Variants in SAMD3 observed in about 807,000 individuals in gnomAD.
SAMD3 encodes the protein sterile alpha motif domain containing 3, also known as sterile alpha motif domain-containing protein 3.
SAMD3 carries 63 observed loss-of-function variants against 58.5 expected under a neutral mutation model. That is an observed-to-expected ratio of 1.08 (90% CI 0.88 to 1.33). The LOEUF is 1.33. SAMD3 is among the 40% of genes most tolerant of loss of function. SAMD3 has a pLI of 0.00. For missense variants in SAMD3, 604 were observed against 608.4 expected (o/e 0.99, Z 0.08); for synonymous variants, 220 against 210.3 (o/e 1.05, Z -0.40).
chr6:130,218,262 C>T (rs188202327), intron 1 of SAMD3, among the ~76,000 whole-genome samples: 3 of 152,294 alleles, frequency 2.0e-5, no homozygotes, highest in South Asian at 4.1e-4. Flanking sequence ...AGATTGAATT[C>T]CAAGTTCCCA....
At chr6:130,181,426 C>G (rs182410752) in intron 7 of SAMD3, among the ~76,000 whole-genome samples, 9 of 152,254 alleles carry the variant, frequency 5.9e-5, no homozygotes, top group African/African-American at 9.6e-5. Flanking sequence ...TTTGGGTAAA[C>G]ATCCATCCAG....
chr6:130,196,489 C>A (rs1341918072), intron 5 of SAMD3, among the ~76,000 whole-genome samples: 1 of 152,134 alleles, frequency 6.6e-6, no homozygotes, highest in African/African-American at 2.4e-5. Context: ...TGTTTCTCAC[C>A]CTGATCACAC....
At chr6:130,175,811 T>A in intron 8 of SAMD3, 30 bp downstream of exon 8, 1 of 1,422,652 alleles carries the variant, frequency 7.0e-7, no homozygotes, top group Non-Finnish European at 9.9e-7. Context: ...ATCTATCAAG[T>A]CATCAGAACA....
intron 2 of SAMD3, among the ~76,000 whole-genome samples, chr6:130,273,190 A>G (rs1774628872): frequency 6.6e-6 from 1 of 152,000 alleles, no homozygotes; most frequent in South Asian, 2.1e-4. Flanking sequence ...TTTACAAATG[A>G]TGGTAGGTGC....
At chr6:130,153,338 G>A (rs1047168533) in intron 9 of SAMD3, among the ~76,000 whole-genome samples, 86 of 152,134 alleles carry the variant, frequency 5.7e-4, no homozygotes, top group African/African-American at 1.9e-3. Context: ...AGATTAATCC[G>A]TGGAAAGCAC....
At chr6:130,183,307 A>G (rs114643095) in intron 7 of SAMD3, 12,353 of 439,174 alleles carry the variant, frequency 0.028, 253 homozygotes, top group African/African-American at 0.066. Context: ...ACTATACTCC[A>G]GCCTGAGTGA....
At chr6:130,244,358 T>C (rs12214574) in intron 2 of SAMD3, among the ~76,000 whole-genome samples, 38,341 of 152,036 alleles carry the variant, frequency 0.25, 6,494 homozygotes, top group African/African-American at 0.48. Flanking sequence ...TATGTCTGGG[T>C]TTGATCCTTG....
At chr6:130,206,932 GGCTTA>G (rs962403332) in intron 5 of SAMD3, among the ~76,000 whole-genome samples, 1 of 151,938 alleles carries the variant, frequency 6.6e-6, no homozygotes, top group Non-Finnish European at 1.5e-5. Flanking sequence ...AATGTCAGAG[GGCTTA>G]GAAAGGAGAA....
At chr6:130,335,945 A>G (rs1011506812) in intron 1 of SAMD3, among the ~76,000 whole-genome samples, 2 of 152,098 alleles carry the variant, frequency 1.3e-5, no homozygotes, top group African/African-American at 4.8e-5. Context: ...ATTCTCACTC[A>G]TAGGTAGGAA....
At chr6:130,303,379 G>A (rs1775815326) in intron 2 of SAMD3, among the ~76,000 whole-genome samples, 1 of 152,152 alleles carries the variant, frequency 6.6e-6, no homozygotes, top group Admixed American at 6.5e-5. Flanking sequence ...AGCAGCTAGT[G>A]TCTATTGTAA....
chr6:130,338,127 C>A (rs1307097231), intron 1 of SAMD3, among the ~76,000 whole-genome samples: 2 of 152,212 alleles, frequency 1.3e-5, no homozygotes, highest in South Asian at 4.1e-4. Context: ...GGACTTGGTG[C>A]CCTGCGTTCC....
At chr6:130,347,424 A>C (rs538499652) in intron 1 of SAMD3, among the ~76,000 whole-genome samples, 2 of 152,380 alleles carry the variant, frequency 1.3e-5, no homozygotes, top group African/African-American at 4.8e-5. Context: ...GAACTATGTG[A>C]TGAATGCACA....
chr6:130,289,021 A>G (rs1775272347), intron 2 of SAMD3, among the ~76,000 whole-genome samples: 1 of 152,218 alleles, frequency 6.6e-6, no homozygotes, highest in African/African-American at 2.4e-5. Context: ...ACTGAGTGTT[A>G]ACTGTGGTAA....
chr6:130,347,425 T>C (rs938001992), intron 1 of SAMD3, among the ~76,000 whole-genome samples: 1 of 152,102 alleles, frequency 6.6e-6, no homozygotes, highest in Non-Finnish European at 1.5e-5. Context: ...AACTATGTGA[T>C]GAATGCACAA....
At chr6:130,358,357 AT>A (rs1022638197) in intron 1 of SAMD3, among the ~76,000 whole-genome samples, 2 of 152,230 alleles carry the variant, frequency 1.3e-5, no homozygotes, top group African/African-American at 4.8e-5. Context: ...TGCAGATCTC[AT>A]TAAGGATTCC....
chr6:130,344,503 T>C (rs1039352838), intron 1 of SAMD3, among the ~76,000 whole-genome samples: 8 of 152,122 alleles, frequency 5.3e-5, no homozygotes, highest in South Asian at 2.1e-4. Flanking sequence ...TGCCTCAGCC[T>C]CCTGAGCAGC....
chr6:130,183,569 G>C (rs1265853700), intron 7 of SAMD3: 2 of 371,216 alleles, frequency 5.4e-6, no homozygotes, highest in African/African-American at 2.1e-5. Flanking sequence ...ATCTCCTAAA[G>C]ACCCTTCCTA....
In SAMD3 at chr6:130,306,201, T is replaced by C. The variant is rs80157966; in HGVS notation, c.-188+6777A>G. On this transcript the variant is annotated intron_variant, in intron 2 of 13. Transcript: ENST00000368134. ...CATTTTTACTTAAAAAATATTTACT[T>C]TATCAACTATTCTTGGATTATTTAA... Among the ~76,000 whole-genome samples, 380 of 152,342 alleles carry C rather than the reference T, an allele frequency of 2.5e-3. 1 individual carries two copies. The highest frequency in any genetic ancestry group is 9.0e-3 in the African/African-American group (373 of 41,580).
At chr6:130,362,060 C>T (rs1195230044) in intron 1 of SAMD3, among the ~76,000 whole-genome samples, 2 of 152,194 alleles carry the variant, frequency 1.3e-5, no homozygotes, top group Non-Finnish European at 2.9e-5. Flanking sequence ...CACCACACCA[C>T]CATCACCAAC....
Sources: allele counts gnomAD v4.1 joint callset (sites outside exome capture counted in the v4.1 genomes callset), GRCh38; gene constraint gnomAD v4.1.1; transcripts MANE v1.5; gene names NCBI Gene and HGNC (gene_info 2026-07-23, HGNC 2026-07-21).